Variants in CDH18 observed in about 807,000 individuals in gnomAD.
CDH18 encodes cadherin-18.
In CDH18, 31 loss-of-function variants were observed where a neutral mutation model predicts 67.9. That is an observed-to-expected ratio of 0.46 (90% CI 0.34 to 0.62). The LOEUF is 0.62. Ranked by LOEUF, CDH18 falls within the 20% of genes least tolerant of loss-of-function variation. CDH18 has a pLI of 0.01. For synonymous variants in CDH18, 362 were observed against 347.2 expected, an observed-to-expected ratio of 1.04 and a Z score of -0.48; for missense variants, 890 against 975.5, an observed-to-expected ratio of 0.91 and a Z score of 1.17.
At chr5:19,513,136 C>T (rs1204196434) in intron 10 of CDH18, among the ~76,000 whole-genome samples, 1 of 151,908 alleles carries the variant, frequency 6.6e-6, no homozygotes, top group East Asian at 1.9e-4. Context: ...GAGACAAGGT[C>T]TCACTTTGTT....
At chr5:19,814,922 T>C (rs1779128184) in intron 3 of CDH18, among the ~76,000 whole-genome samples, 1 of 151,596 alleles carries the variant, frequency 6.6e-6, no homozygotes, top group African/African-American at 2.4e-5. Flanking sequence ...TAATATAAAG[T>C]TCACAATGTG....
rs535386053 is a variant in CDH18 at position 19,824,333 on chromosome 5, T to C, written c.228+14426A>G. On this transcript the variant is annotated intron_variant, in intron 3 of 12. Coordinates refer to ENST00000382275, the MANE Select transcript of CDH18 (RefSeq NM_004934.5). The stretch of plus-strand genomic sequence containing the variant: ...AAGTGACACAGAGAGCAGAGAGGAG[T>C]AGAGCTAGACACCAGCCTGTCTGGG... 4.8e-4 allele frequency among the ~76,000 whole-genome samples: 72 copies of C among 150,946 alleles called. 1 individual carries two copies. The South Asian group carries it at 0.015, about 31-fold the overall frequency.
intron 2 of CDH18, among the ~76,000 whole-genome samples, chr5:20,218,927 A>G (rs968852894): frequency 3.3e-5 from 5 of 152,036 alleles, no homozygotes; most frequent in African/African-American, 1.2e-4. Flanking sequence ...AAAAAGTAGA[A>G]CAACTTCAAA....
At chr5:20,263,441 T>C (rs536820437) in intron 1 of CDH18, among the ~76,000 whole-genome samples, 2 of 152,308 alleles carry the variant, frequency 1.3e-5, no homozygotes, top group South Asian at 4.1e-4. Context: ...ATATAAAATT[T>C]TGGAAAGCTT....
intron 1 of CDH18, among the ~76,000 whole-genome samples, chr5:20,518,586 T>C (rs1288022897): frequency 1.3e-5 from 2 of 152,150 alleles, no homozygotes; most frequent in African/African-American, 4.8e-5. Context: ...AAGCATTTTG[T>C]AGTTAGTTGA....
chr5:20,173,581 G>T (rs1175186149), intron 2 of CDH18, among the ~76,000 whole-genome samples: 1 of 152,144 alleles, frequency 6.6e-6, no homozygotes, highest in East Asian at 1.9e-4. Flanking sequence ...GCTTTTAGCA[G>T]GTGGTTCGCA....
chr5:19,940,054 T>G (rs754510747), intron 2 of CDH18, among the ~76,000 whole-genome samples: 2 of 151,842 alleles, frequency 1.3e-5, no homozygotes, highest in East Asian at 1.9e-4. Flanking sequence ...TGCATCTACA[T>G]GCATCAACCT....
chr5:19,973,615 C>T (rs946567969), intron 2 of CDH18, among the ~76,000 whole-genome samples: 5 of 151,996 alleles, frequency 3.3e-5, no homozygotes, highest in Non-Finnish European at 7.4e-5. Flanking sequence ...TGATGGAGAA[C>T]TACTTTAGGG....
At chr5:20,063,972 T>A (rs1159488473) in intron 2 of CDH18, among the ~76,000 whole-genome samples, 1 of 152,166 alleles carries the variant, frequency 6.6e-6, no homozygotes, top group Non-Finnish European at 1.5e-5. Context: ...TCAATAAATA[T>A]TCACAATGAA....
At chr5:20,140,467 AAAAAT>A (rs1420727427) in intron 2 of CDH18, among the ~76,000 whole-genome samples, 3 of 152,126 alleles carry the variant, frequency 2.0e-5, no homozygotes, top group Non-Finnish European at 4.4e-5. Context: ...AAAGTATAAT[AAAAAT>A]AAAATAAAAT....
At chr5:20,488,718 T>C (rs1177430771) in intron 1 of CDH18, among the ~76,000 whole-genome samples, 1 of 143,306 alleles carries the variant, frequency 7.0e-6, no homozygotes, top group Non-Finnish European at 1.6e-5. Flanking sequence ...CATACAATTG[T>C]TTATCAATAA....
intron 3 of CDH18, among the ~76,000 whole-genome samples, chr5:19,815,435 A>T (rs1213230917): frequency 6.6e-6 from 1 of 151,988 alleles, no homozygotes; most frequent in Admixed American, 6.6e-5. Flanking sequence ...TTCAGAGTTT[A>T]TGATGACATA....
chr5:19,834,810 T>A (rs1300704947), intron 3 of CDH18, among the ~76,000 whole-genome samples: 1 of 152,080 alleles, frequency 6.6e-6, no homozygotes, highest in Non-Finnish European at 1.5e-5. Context: ...GCAGGTTGCA[T>A]GAAATTGAAA....
intron 2 of CDH18, among the ~76,000 whole-genome samples, chr5:20,056,451 A>ATTTTTTT (rs1741945890): frequency 1.1e-4 from 2 of 18,966 alleles, no homozygotes; most frequent in African/African-American, 2.2e-4. Context: ...TTATTTTTTT[A>ATTTTTTT]TTATTTTTCT....
At chr5:19,810,660 G>T (rs527423095) in intron 3 of CDH18, among the ~76,000 whole-genome samples, 1 of 151,744 alleles carries the variant, frequency 6.6e-6, no homozygotes. Context: ...TTCTAATTAG[G>T]TGTAAAAATC....
intron 1 of CDH18, among the ~76,000 whole-genome samples, chr5:20,349,589 A>C (rs1172637193): frequency 6.6e-6 from 1 of 152,152 alleles, no homozygotes; most frequent in African/African-American, 2.4e-5. Flanking sequence ...ATTCATAGTA[A>C]GTAAAGACAT....
In CDH18 at chr5:20,273,806, T is replaced by C. The variant is rs981156588; in HGVS notation, c.-579-18301A>G. On this transcript the variant is annotated intron_variant, in intron 1 of 14. Coordinates refer to the CDH18 transcript ENST00000507958. Reference sequence around the variant, plus strand: ...CAATAACATCAAACCTATACCAGGATGTTACATTAAAATAGACCAAGTTAA... The same window carrying C: ...CAATAACATCAAACCTATACCAGGACGTTACATTAAAATAGACCAAGTTAA... 7.2e-5 allele frequency among the ~76,000 whole-genome samples: 11 copies of C among 152,232 alleles called. No individual in the cohort carries two copies. The East Asian group carries it at 1.7e-3, about 24-fold the overall frequency.
intron 1 of CDH18, among the ~76,000 whole-genome samples, chr5:20,520,547 T>C (rs1755683939): frequency 6.6e-6 from 1 of 152,102 alleles, no homozygotes; most frequent in East Asian, 1.9e-4. Context: ...AGTGCTAATA[T>C]ACAAGCATGC....
At chr5:20,471,418 T>A (rs1474880263) in intron 1 of CDH18, among the ~76,000 whole-genome samples, 1 of 152,158 alleles carries the variant, frequency 6.6e-6, no homozygotes, top group Admixed American at 6.5e-5. Flanking sequence ...GTAATCTTTT[T>A]AATATACAAA....
Sources: allele counts gnomAD v4.1 joint callset (sites outside exome capture counted in the v4.1 genomes callset), GRCh38; gene constraint gnomAD v4.1.1; transcripts MANE v1.5; gene names NCBI Gene and HGNC (gene_info 2026-07-23, HGNC 2026-07-21).